SIM1: variants seen among roughly 807,000 people sequenced by gnomAD.
SIM1 encodes SIM bHLH transcription factor 1, also known as single-minded homolog 1.
SIM1 carries 18 observed loss-of-function variants against 78.2 expected under a neutral mutation model. The ratio of observed to expected loss-of-function variants is 0.23; its 90% CI spans 0.16 to 0.34. The LOEUF (loss-of-function observed/expected upper bound fraction) is 0.34. Ranked by LOEUF, SIM1 falls within the 10% of genes least tolerant of loss-of-function variation. The pLI is 1.00. For missense variants in SIM1, 939 were observed against 975.1 expected (o/e 0.96, Z 0.49); for synonymous variants, 417 against 385.2 (o/e 1.08, Z -0.97).
At chr6:100,462,439 A>G (rs1038694947) in intron 2 of SIM1, among the ~76,000 whole-genome samples, 2 of 152,260 alleles carry the variant, frequency 1.3e-5, no homozygotes, top group African/African-American at 4.8e-5. Flanking sequence ...ATGGTTGTAT[A>G]TAGGACAGTG....
rs1230176343 is a variant in SIM1, at chr6:100,387,810, T to C, written c.*2551A>G. Reference sequence around the variant, plus strand: ...TCTCACCAGTTAACTATCTTCCATATAAAAATTCCACTGAAATTCCTTTAG... The same window carrying C: ...TCTCACCAGTTAACTATCTTCCATACAAAAATTCCACTGAAATTCCTTTAG... On this transcript the variant is annotated 3_prime_UTR_variant, in exon 12 of 12. Transcript: ENST00000369208. 3.9e-5 allele frequency: 6 copies of C among 152,114 alleles called. No individual in the cohort carries two copies. In the South Asian group the frequency reaches 1.2e-3, roughly 31 times the overall value. 9.4% of individuals were successfully genotyped at this position (152,114 alleles called of 1,614,324 possible).
At chr6:100,396,164 C>G (rs897554399) in intron 10 of SIM1, 13 of 700,582 alleles carry the variant, frequency 1.9e-5, no homozygotes, top group Non-Finnish European at 2.3e-5. Flanking sequence ...CGCTTCCTCA[C>G]CTTACTGAGT....
At chr6:100,393,953 C>A in intron 10 of SIM1, 64 bp from the exon 11 acceptor site, 3 of 1,488,270 alleles carry the variant, frequency 2.0e-6, no homozygotes, top group Non-Finnish European at 2.7e-6. Flanking sequence ...AGAAAACAAA[C>A]AAACAAAAAA....
intron 9 of SIM1, among the ~76,000 whole-genome samples, chr6:100,436,338 G>A (rs1772048735): frequency 6.6e-6 from 1 of 152,146 alleles, no homozygotes; most frequent in Non-Finnish European, 1.5e-5. Context: ...CATAATAGGT[G>A]TTCAATAAGC....
intron 10 of SIM1, among the ~76,000 whole-genome samples, chr6:100,420,343 G>T (rs778590566): frequency 1.3e-5 from 2 of 152,146 alleles, no homozygotes; most frequent in Non-Finnish European, 2.9e-5. Context: ...TAGCCAGTCT[G>T]TGTTCAAATT....
At chr6:100,450,694 TCTCA>T (rs55672140) in intron 3 of SIM1, among the ~76,000 whole-genome samples, 20,344 of 91,864 alleles carry the variant, frequency 0.22, 1,325 homozygotes, top group East Asian at 0.39. Flanking sequence ...TCTCTCTCTC[TCTCA>T]CACACACACA....
At chr6:100,450,492 C>T in intron 3 of SIM1, 136 bp from the exon 4 acceptor site, 1 of 700,846 alleles carries the variant, frequency 1.4e-6, no homozygotes, top group South Asian at 1.7e-5. Flanking sequence ...GGAAACAGGG[C>T]ATAGAAAACT....
At chr6:100,393,154 T>C (rs1036580929) in intron 11 of SIM1, among the ~76,000 whole-genome samples, 4 of 152,138 alleles carry the variant, frequency 2.6e-5, no homozygotes, top group Non-Finnish European at 5.9e-5. Flanking sequence ...AAGTCCACAT[T>C]TGAAGCACGA....
intron 9 of SIM1, 29 bp downstream of exon 9, chr6:100,447,239 G>A (rs1170317753): frequency 6.2e-7 from 1 of 1,605,924 alleles, no homozygotes; most frequent in East Asian, 2.2e-5. Flanking sequence ...CGCCTGGGGT[G>A]GGTGAAGGGG....
In SIM1 at chr6:100,412,657, G is replaced by A. The variant is rs1233225756; in HGVS notation, c.1167+8133C>T. Among the ~76,000 whole-genome samples, 5 of 91,608 alleles carry A rather than the reference G, an allele frequency of 5.5e-5. 1 individual carries two copies. The highest frequency in any genetic ancestry group is 2.0e-4 in the African/African-American group (5 of 24,802). The allele number at this position is 91,608 out of a possible 152,430, so 60.1% of individuals were successfully genotyped here. ...GAAAGAAAAGAAAGAAAGAAAGAAA[G>A]AGAGAGAGAGAGAGAGAAAGAAAGA... On this transcript the variant is annotated intron_variant, in intron 10 of 11. Transcript: ENST00000369208.
chr6:100,459,348 A>C (rs1433194097), intron 2 of SIM1, among the ~76,000 whole-genome samples: 1 of 152,202 alleles, frequency 6.6e-6, no homozygotes, highest in Non-Finnish European at 1.5e-5. Context: ...TTAGTTCTGC[A>C]CTCCACATTT....
At chr6:100,458,323 T>C (rs1486974122) in intron 2 of SIM1, among the ~76,000 whole-genome samples, 1 of 152,152 alleles carries the variant, frequency 6.6e-6, no homozygotes, top group Non-Finnish European at 1.5e-5. Context: ...GCTTTGGCTA[T>C]GCCACCTCCC....
intron 9 of SIM1, among the ~76,000 whole-genome samples, chr6:100,439,701 G>T (rs2114529210): frequency 6.6e-6 from 1 of 152,236 alleles, no homozygotes; most frequent in East Asian, 1.9e-4. Context: ...ATAACTATTG[G>T]TAAAGTTGAC....
chr6:100,408,550 T>C (rs1036919856), intron 10 of SIM1, among the ~76,000 whole-genome samples: 2 of 152,112 alleles, frequency 1.3e-5, no homozygotes, highest in Non-Finnish European at 2.9e-5. Context: ...AATGGTAGCC[T>C]GCCCTATATA....
At position 100,458,026 on chromosome 6, in the gene SIM1, C is replaced by T. The variant is rs201587898; in HGVS notation, c.176-4182G>A. Among the ~76,000 whole-genome samples the T allele has an allele frequency of 2.6e-4, 10 of 38,346 alleles. No homozygotes were observed. The East Asian group carries it at 3.1e-3, about 12-fold the overall frequency. 25.2% of individuals were successfully genotyped at this position (38,346 alleles called of 152,430 possible). A position where few individuals can be genotyped will look rare whatever the true frequency, so the allele number is the denominator to read the frequency against. On this transcript the variant is annotated intron_variant, in intron 2 of 11. Coordinates refer to ENST00000369208, the MANE Select transcript of SIM1 (RefSeq NM_005068.3). ...TCTCTTTCTCTCTCTCTCTCTCTCT[C>T]TCTCTCTCTCTCTCTCTCTCTCTCT...
chr6:100,434,693 T>A (rs1000237767), intron 9 of SIM1, among the ~76,000 whole-genome samples: 8 of 152,224 alleles, frequency 5.3e-5, no homozygotes, highest in Non-Finnish European at 1.0e-4. Context: ...AATGTTGCTA[T>A]TCTTGGAGAG....
chr6:100,444,633 G>A (rs775665647), intron 9 of SIM1, among the ~76,000 whole-genome samples: 19 of 152,110 alleles, frequency 1.2e-4, no homozygotes, highest in East Asian at 7.7e-4. Flanking sequence ...GCATCAAGGC[G>A]TATACCACCT....
chr6:100,399,002 G>A (rs1770841089), intron 10 of SIM1, among the ~76,000 whole-genome samples: 1 of 151,790 alleles, frequency 6.6e-6, no homozygotes, highest in Non-Finnish European at 1.5e-5. Context: ...ATGGGTGTGA[G>A]AGGTGTCTCA....
intron 9 of SIM1, among the ~76,000 whole-genome samples, chr6:100,425,407 C>T (rs986803418): frequency 1.3e-5 from 2 of 152,082 alleles, no homozygotes; most frequent in African/African-American, 4.8e-5. Flanking sequence ...TTCTTTATTG[C>T]TAAGTTAGCA....
Sources: allele counts gnomAD v4.1 joint callset (sites outside exome capture counted in the v4.1 genomes callset), GRCh38; gene constraint gnomAD v4.1.1; transcripts MANE v1.5; gene names NCBI Gene and HGNC (gene_info 2026-07-23, HGNC 2026-07-21).